The following MLIP variants were observed in gnomAD, a reference collection of about 807,000 sequenced individuals.
MLIP encodes muscular LMNA-interacting protein.
Under a neutral mutation model 84.8 loss-of-function variants are expected in MLIP, and 79 were observed. The observed-to-expected ratio is 0.93, with a 90% CI of 0.78 to 1.12. MLIP has a LOEUF of 1.12. MLIP is among the 50% of genes most tolerant of loss of function. The pLI is 0.00. For missense variants in MLIP, 1,257 were observed against 1,160.6 expected (o/e 1.08, Z -1.21); for synonymous variants, 504 against 463.0 (o/e 1.09, Z -1.14).
chr6:54,217,288 G>A (rs1779919975), intron 11 of MLIP: 2 of 985,218 alleles, frequency 2.0e-6, no homozygotes, highest in African/African-American at 1.7e-5. Flanking sequence ...TGCCAGGATG[G>A]AACAAAAGCA....
At chr6:54,198,665 G>T (rs1239538175) in intron 10 of MLIP, among the ~76,000 whole-genome samples, 2 of 151,882 alleles carry the variant, frequency 1.3e-5, no homozygotes, top group Non-Finnish European at 2.9e-5. Flanking sequence ...TCAACAGAAG[G>T]TCTACACAGG....
upstream of MLIP, chr6:54,111,365 C>A: frequency 6.8e-7 from 1 of 1,464,870 alleles, no homozygotes; most frequent in South Asian, 1.4e-5. Context: ...AATGACTCTG[C>A]TTTACCTCTT....
At chr6:54,245,668 G>GT (rs906389426) in intron 12 of MLIP, among the ~76,000 whole-genome samples, 36 of 151,958 alleles carry the variant, frequency 2.4e-4, no homozygotes, top group African/African-American at 8.2e-4. Context: ...AAAAGCTATT[G>GT]TTTTTTTAAA....
intron 1 of MLIP, among the ~76,000 whole-genome samples, chr6:54,024,676 T>C (rs1408358595): frequency 1.3e-5 from 2 of 152,348 alleles, no homozygotes; most frequent in Admixed American, 6.5e-5. Context: ...ATAATAATGA[T>C]AGGTTTTAGC....
chr6:54,216,699 A>C (rs1582530632), intron 11 of MLIP: 2 of 985,406 alleles, frequency 2.0e-6, no homozygotes, highest in East Asian at 2.3e-4. Context: ...ATCAGGATTC[A>C]AAATATATGT....
chr6:54,071,572 A>C (rs1582073453), intron 1 of MLIP, among the ~76,000 whole-genome samples: 1 of 152,328 alleles, frequency 6.6e-6, no homozygotes, highest in African/African-American at 2.4e-5. Flanking sequence ...ATTTAAGGCA[A>C]TGGAACCAAT....
rs116256510 is a variant in MLIP at position 54,230,431 on chromosome 6, C to T, written c.2719-283C>T. Among the ~76,000 whole-genome samples the T allele has an allele frequency of 5.9e-3, 895 of 152,224 alleles. 15 individuals carry two copies. Among genetic ancestry groups the T allele is most frequent in the African/African-American group, 0.021 (860 of 41,528 alleles). ...TATCTTCTTCCTTACAGATATCTCC[C>T]CTTAATACTTTCAAAAATAAACCTG... is the stretch of plus-strand genomic sequence containing the variant. On this transcript the variant is annotated intron_variant, in intron 11 of 13. Coordinates refer to ENST00000502396, the MANE Select transcript of MLIP (RefSeq NM_001281747.2).
chr6:54,211,964 G>T (rs946436903), intron 11 of MLIP, among the ~76,000 whole-genome samples: 1 of 152,092 alleles, frequency 6.6e-6, no homozygotes, highest in African/African-American at 2.4e-5. Context: ...GGAGAACTAA[G>T]AACTTCTCCC....
chr6:54,251,988 AAT>A (rs1333703612), intron 12 of MLIP, among the ~76,000 whole-genome samples: 5 of 88,468 alleles, frequency 5.7e-5, no homozygotes, highest in African/African-American at 1.0e-4. Flanking sequence ...ATATAATATA[AAT>A]ATATATATTA....
intron 1 of MLIP, among the ~76,000 whole-genome samples, chr6:54,044,047 T>C (rs1297895033): frequency 6.6e-6 from 1 of 152,214 alleles, no homozygotes; most frequent in African/African-American, 2.4e-5. Flanking sequence ...AGTGCTTCTT[T>C]ATTCCTTTGC....
At chr6:54,232,991 G>A (rs1781110374) in intron 12 of MLIP, among the ~76,000 whole-genome samples, 1 of 152,078 alleles carries the variant, frequency 6.6e-6, no homozygotes, top group African/African-American at 2.4e-5. Flanking sequence ...AACTCCTCAT[G>A]TCCTAAATCT....
chr6:54,145,811 A>C (rs1772766939), intron 4 of MLIP, among the ~76,000 whole-genome samples: 1 of 151,614 alleles, frequency 6.6e-6, no homozygotes, highest in East Asian at 1.9e-4. Context: ...AAAAAGAAAA[A>C]GAAAGAGAAA....
At chr6:54,144,918 C>T (rs1772646248) in intron 4 of MLIP, among the ~76,000 whole-genome samples, 1 of 152,156 alleles carries the variant, frequency 6.6e-6, no homozygotes, top group African/African-American at 2.4e-5. Flanking sequence ...CTATCCTTAC[C>T]TTCAAACCCA....
In MLIP at chr6:54,199,596, C is replaced by A. The variant is rs1214629126; in HGVS notation, c.2590-2509C>A. ...AGTATACCAAGGTTTGTGGAGGGTGCATGAGGTTCAGAATTGGGACACTAG... is the reference window on the plus strand; with the variant it reads ...AGTATACCAAGGTTTGTGGAGGGTGAATGAGGTTCAGAATTGGGACACTAG... On this transcript the variant is annotated intron_variant, in intron 10 of 13. Transcript: ENST00000502396. 3.9e-5 allele frequency among the ~76,000 whole-genome samples: 6 copies of A among 152,000 alleles called. 1 individual carries two copies. The highest frequency in any genetic ancestry group is 1.4e-4 in the African/African-American group (6 of 41,382).
intron 11 of MLIP, among the ~76,000 whole-genome samples, chr6:54,221,780 T>G (rs1284521636): frequency 6.6e-6 from 1 of 152,060 alleles, no homozygotes; most frequent in African/African-American, 2.4e-5. Context: ...ATTCAGACTC[T>G]ATCCTGCAAA....
At chr6:54,072,197 A>C (rs1766528534) in intron 1 of MLIP, among the ~76,000 whole-genome samples, 1 of 152,136 alleles carries the variant, frequency 6.6e-6, no homozygotes, top group Non-Finnish European at 1.5e-5. Context: ...GACTCACCAA[A>C]AAAATGCAGT....
rs80033811 is a variant in MLIP at position 54,226,269 on chromosome 6, A to C, written c.2719-4445A>C. 8.2e-3 allele frequency among the ~76,000 whole-genome samples: 1,246 copies of C among 152,316 alleles called. 19 individuals are homozygous for C. Among genetic ancestry groups the C allele is most frequent in the African/African-American group, 0.028 (1,168 of 41,556 alleles). The stretch of plus-strand genomic sequence containing the variant: ...CTCCTGGCATAGTGGAGAGCAGTGG[A>C]GCTCTTCTGAAAACAGGGGACTAAG... On this transcript the variant is annotated intron_variant, in intron 11 of 13. Transcript: ENST00000502396.
At chr6:54,076,777 G>A (rs953651120) in intron 1 of MLIP, among the ~76,000 whole-genome samples, 1 of 152,106 alleles carries the variant, frequency 6.6e-6, no homozygotes, top group African/African-American at 2.4e-5. Context: ...ATACATCAGC[G>A]GATCATGGGG....
At chr6:54,261,630 T>A in intron 13 of MLIP, 2 of 984,978 alleles carry the variant, frequency 2.0e-6, no homozygotes, top group Non-Finnish European at 2.4e-6. Context: ...TATTTTGAAT[T>A]TCAGAACCTC....
Sources: gnomAD v4.1 joint callset for allele counts (sites outside exome capture counted in the v4.1 genomes callset) on GRCh38, gnomAD v4.1.1 for gene constraint, MANE v1.5 for transcripts, NCBI Gene and HGNC (gene_info 2026-07-23, HGNC 2026-07-21) for gene names.